The following PLCG2 variants were observed in gnomAD, a reference collection of about 807,000 sequenced individuals.
The protein encoded by PLCG2 is 1-phosphatidylinositol 4,5-bisphosphate phosphodiesterase gamma-2.
A neutral mutation model predicts 175.6 loss-of-function variants in PLCG2; 69 were observed. The observed-to-expected ratio is 0.39, with a 90% CI of 0.32 to 0.48. The LOEUF (loss-of-function observed/expected upper bound fraction) is 0.48. Among genes scored for constraint, PLCG2 ranks in the 20% least tolerant of loss-of-function variants. PLCG2 has a pLI of 0.91. For missense variants in PLCG2, 1,798 were observed against 1,650.9 expected, an observed-to-expected ratio of 1.09 and a Z score of -1.54; for synonymous variants, 827 against 624.0, an observed-to-expected ratio of 1.33 and a Z score of -4.85.
At chr16:81,849,031 A>G (rs962217346) in intron 2 of PLCG2, among the ~76,000 whole-genome samples, 3 of 151,842 alleles carry the variant, frequency 2.0e-5, no homozygotes, top group East Asian at 1.9e-4. Context: ...AGTGTGACCT[A>G]TAAGAGATGC....
intron 1 of PLCG2, among the ~76,000 whole-genome samples, chr16:81,749,466 C>T (rs1458088066): frequency 6.6e-6 from 1 of 152,130 alleles, no homozygotes; most frequent in African/African-American, 2.4e-5. Flanking sequence ...AATTCTCCTG[C>T]CTCAGCCTCC....
At chr16:81,876,995 C>G (rs1033804643) in intron 7 of PLCG2, among the ~76,000 whole-genome samples, 1 of 152,146 alleles carries the variant, frequency 6.6e-6, no homozygotes, top group East Asian at 1.9e-4. Context: ...GGAGAAAAGT[C>G]CTTGCCTCCC....
At chr16:81,774,688 A>G (rs529497749), upstream of PLCG2, among the ~76,000 whole-genome samples, 949 of 148,410 alleles carry the variant, frequency 6.4e-3, 12 homozygotes, top group African/African-American at 0.022. Context: ...CTGCCTTTGG[A>G]GGTGGTGGTG....
chr16:81,945,146 C>T (rs555011871), intron 30 of PLCG2, among the ~76,000 whole-genome samples: 8 of 151,974 alleles, frequency 5.3e-5, no homozygotes, highest in Non-Finnish European at 8.8e-5. Flanking sequence ...TCATAAGCAG[C>T]GGAAAGTGAG....
chr16:81,859,586 G>C (rs1400035340), intron 5 of PLCG2, among the ~76,000 whole-genome samples: 14 of 151,776 alleles, frequency 9.2e-5, no homozygotes, highest in Non-Finnish European at 1.9e-4. Flanking sequence ...CCAGGCTGGA[G>C]TGCAGTGGCA....
chr16:81,918,390 T>A (rs994537389), intron 19 of PLCG2, among the ~76,000 whole-genome samples: 1 of 152,212 alleles, frequency 6.6e-6, no homozygotes, highest in East Asian at 1.9e-4. Flanking sequence ...TGGTGTGAGA[T>A]AATGGTCTAG....
At position 81,956,701 on chromosome 16, in the gene PLCG2, G is replaced by T; in HGVS notation, c.3577G>T (p.Glu1193Ter). 1 of 1,613,710 alleles carries T rather than the reference G, an allele frequency of 6.2e-7. No individual in the cohort carries two copies. The highest frequency in any genetic ancestry group is 1.7e-5 in the Admixed American group (1 of 60,012). ...TCTCCCCTGCATCCTCCAGGAGAGC[G>T]AAGAGGAACTTTACTCCTCCTGTCG... The part of the protein sequence containing the change: ...FCEMRPVLES[E>*]EELYSSCRQL... Residue 1193 changes from glutamate (E) to a stop codon, truncating the protein, a stop_gained, in exon 32 of 33, where the codon GAA (glutamate) becomes TAA (stop). Transcript: ENST00000564138. LOFTEE classifies it high-confidence loss of function.
At chr16:81,886,502 C>T (rs1165390132) in intron 9 of PLCG2, among the ~76,000 whole-genome samples, 1 of 152,190 alleles carries the variant, frequency 6.6e-6, no homozygotes, top group Non-Finnish European at 1.5e-5. Flanking sequence ...CCCTCCCAGA[C>T]ACTTATCCTA....
chr16:81,923,404 C>T, intron 21 of PLCG2, 81 bp from the exon 22 acceptor site: 1 of 802,938 alleles, frequency 1.2e-6, no homozygotes, highest in Non-Finnish European at 2.1e-6. Context: ...ATGAGAAGAA[C>T]CAAATGGTAC....
intron 9 of PLCG2, among the ~76,000 whole-genome samples, chr16:81,885,376 C>G (rs1908309454): frequency 6.6e-6 from 1 of 152,054 alleles, no homozygotes; most frequent in Non-Finnish European, 1.5e-5. Context: ...GTTGCTCAGG[C>G]TGATCTCCAA....
upstream of PLCG2, among the ~76,000 whole-genome samples, chr16:81,776,315 TAA>T (rs1910405254): frequency 6.6e-6 from 1 of 151,668 alleles, no homozygotes; most frequent in Non-Finnish European, 1.5e-5. Context: ...TTCACCATGT[TAA>T]GCAGGATGGT....
intron 2 of PLCG2, among the ~76,000 whole-genome samples, chr16:81,811,159 G>T (rs1188572981): frequency 6.6e-6 from 1 of 152,166 alleles, no homozygotes; most frequent in Non-Finnish European, 1.5e-5. Flanking sequence ...GGTTGAACAA[G>T]CCTGGGCTTG....
At chr16:81,838,059 T>A (rs1905617084) in intron 2 of PLCG2, among the ~76,000 whole-genome samples, 1 of 150,258 alleles carries the variant, frequency 6.7e-6, no homozygotes, top group Non-Finnish European at 1.5e-5. Flanking sequence ...AATTTTAACA[T>A]GTCTGTCTTT....
intron 2 of PLCG2, among the ~76,000 whole-genome samples, chr16:81,839,678 C>G (rs552473532): frequency 6.6e-6 from 1 of 152,166 alleles, no homozygotes; most frequent in Non-Finnish European, 1.5e-5. Context: ...ACAGTTAAGA[C>G]ATAACAAAGG....
intron 2 of PLCG2, among the ~76,000 whole-genome samples, chr16:81,820,510 G>A (rs951242253): frequency 1.3e-5 from 2 of 152,128 alleles, no homozygotes; most frequent in African/African-American, 4.8e-5. Flanking sequence ...TTCCTTTTCT[G>A]TTGCTGAGCA....
rs758041958 is a variant in PLCG2 at position 81,854,568 on chromosome 16, C to T, written c.318C>T (p.Leu106=). The T allele has an allele frequency of 6.2e-7, 1 of 1,613,976 alleles. No homozygotes were observed. Among genetic ancestry groups the T allele is most frequent in the South Asian group, 1.1e-5 (1 of 91,060 alleles). Residue 106 remains leucine, a synonymous_variant, in exon 3 of 33, where the codon CTC becomes CTT. Coordinates refer to ENST00000564138, the MANE Select transcript of PLCG2 (RefSeq NM_002661.5). ...TCCTATATGGCACTCAGTTCGTCCTCAGCACGCTCAGCTTGGCAGGTAGGT... is the reference window on the plus strand; with the variant it reads ...TCCTATATGGCACTCAGTTCGTCCTTAGCACGCTCAGCTTGGCAGGTAGGT... ...FTILYGTQFV[L]STLSLAADSK...
intron 2 of PLCG2, among the ~76,000 whole-genome samples, chr16:81,839,928 G>A (rs921355501): frequency 1.3e-5 from 2 of 152,182 alleles, no homozygotes; most frequent in East Asian, 1.9e-4. Context: ...GTGCATGCCT[G>A]TAGTCCCAGT....
At chr16:81,800,073 G>A (rs984861175) in intron 2 of PLCG2, among the ~76,000 whole-genome samples, 2 of 152,146 alleles carry the variant, frequency 1.3e-5, no homozygotes, top group African/African-American at 4.8e-5. Flanking sequence ...TGTAAAATAG[G>A]ATAATAATGG....
At chr16:81,845,503 T>C (rs1375841530) in intron 2 of PLCG2, among the ~76,000 whole-genome samples, 1 of 152,256 alleles carries the variant, frequency 6.6e-6, no homozygotes, top group Non-Finnish European at 1.5e-5. Context: ...CTATCTGCTA[T>C]AAGCTGGGGA....
Sources: allele counts gnomAD v4.1 joint callset (sites outside exome capture counted in the v4.1 genomes callset), GRCh38; gene constraint gnomAD v4.1.1; transcripts MANE v1.5; gene names NCBI Gene and HGNC (gene_info 2026-07-23, HGNC 2026-07-21).